Variants in AZI2 observed in about 807,000 individuals in gnomAD.
AZI2 encodes 5-azacytidine-induced protein 2.
Under a neutral mutation model 45.8 loss-of-function variants are expected in AZI2, and 22 were observed. That is an observed-to-expected ratio of 0.48 (90% CI 0.34 to 0.69). The LOEUF (loss-of-function observed/expected upper bound fraction) is 0.69, where lower values mean the gene tolerates loss of function less well. Among genes scored for constraint, AZI2 ranks in the 30% least tolerant of loss-of-function variants. The probability of loss-of-function intolerance (pLI) is 0.01; values close to 1 mark genes in which losing one functional copy is unlikely to be tolerated. For missense variants in AZI2, 417 were observed against 441.5 expected (o/e 0.94, Z 0.50); for synonymous variants, 137 against 156.7 (o/e 0.87, Z 0.94).
At chr3:28,336,032 C>T (rs772675986) in intron 5 of AZI2, among the ~76,000 whole-genome samples, 3 of 152,040 alleles carry the variant, frequency 2.0e-5, no homozygotes, top group Non-Finnish European at 2.9e-5. Flanking sequence ...ATCATTTCTT[C>T]TTTTAATCTC....
intron 1 of AZI2, 132 bp downstream of exon 1, chr3:28,348,469 T>G (rs1704361879): frequency 6.6e-6 from 1 of 152,392 alleles, no homozygotes; most frequent in Non-Finnish European, 1.5e-5. Flanking sequence ...GGCCGCTCCC[T>G]AGTCAAAGGA....
intron 1 of AZI2, among the ~76,000 whole-genome samples, chr3:28,342,768 A>C (rs1001742773): frequency 6.6e-6 from 1 of 151,636 alleles, no homozygotes; most frequent in Non-Finnish European, 1.5e-5. Flanking sequence ...AAGTAGAGCA[A>C]GTAAAATAGT....
At position 28,323,102 on chromosome 3, in the gene AZI2, CTT is replaced by C. The variant is rs968360314; in HGVS notation, c.*938_*939del. On this transcript the variant is annotated 3_prime_UTR_variant, in exon 8 of 8. Coordinates refer to ENST00000479665, the MANE Select transcript of AZI2 (RefSeq NM_022461.5). ...GATTAAAAATAATAATTTTAAATCA[CTT>C]TCTCAATAAATAGAATATTACATTT... The C allele has an allele frequency of 2.0e-5, 3 of 151,098 alleles. No homozygotes were observed. The highest frequency in any genetic ancestry group is 4.5e-5 in the Non-Finnish European group (3 of 67,382). The allele number at this position is 151,098 out of a possible 1,614,324, so 9.4% of individuals were successfully genotyped here.
At chr3:28,331,464 T>TG (rs1703567137) in intron 6 of AZI2, among the ~76,000 whole-genome samples, 1 of 151,560 alleles carries the variant, frequency 6.6e-6, no homozygotes, top group African/African-American at 2.4e-5. Context: ...CAACAGAGAC[T>TG]GTACTGCCAG....
chr3:28,331,212 T>C (rs1577125168), intron 6 of AZI2, among the ~76,000 whole-genome samples: 1 of 151,566 alleles, frequency 6.6e-6, no homozygotes. Flanking sequence ...CTTTTGATGA[T>C]ATTATTCATT....
intron 7 of AZI2, 66 bp from the exon 8 acceptor site, chr3:28,324,520 CTT>C: frequency 7.5e-7 from 1 of 1,331,636 alleles, no homozygotes; most frequent in South Asian, 2.2e-5. Context: ...TTCGATAACA[CTT>C]CACCAATTTG....
In AZI2 at chr3:28,321,224, A is replaced by C. The variant is rs183783138; in HGVS notation, c.*2818T>G. On this transcript the variant is annotated 3_prime_UTR_variant, in exon 8 of 8. Transcript: ENST00000479665. ...GGGGCAAACATGCCCATATTTCCAC[A>C]TTGACCTTTGGTATTGGTGCATTTC... The C allele has an allele frequency of 2.6e-4, 40 of 151,548 alleles. No individual in the cohort carries two copies. The highest frequency in any genetic ancestry group is 9.6e-4 in the African/African-American group (40 of 41,476). The allele number at this position is 151,548 out of a possible 1,614,324, so 9.4% of individuals were successfully genotyped here. A position where few individuals can be genotyped will look rare whatever the true frequency, so the allele number is the denominator to read the frequency against.
At chr3:28,330,893 T>C (rs1279529139) in intron 6 of AZI2, among the ~76,000 whole-genome samples, 1 of 151,388 alleles carries the variant, frequency 6.6e-6, no homozygotes, top group Non-Finnish European at 1.5e-5. Flanking sequence ...TTCTAAAAAC[T>C]GTCCTCTGAA....
At chr3:28,326,752 G>T in intron 7 of AZI2, 80 bp downstream of exon 7, 1 of 1,062,818 alleles carries the variant, frequency 9.4e-7, no homozygotes, top group Non-Finnish European at 1.5e-6. Flanking sequence ...CATTTGATGA[G>T]ATTTTGATAA....
intron 1 of AZI2, among the ~76,000 whole-genome samples, chr3:28,345,274 CA>C (rs1704178960): frequency 6.6e-6 from 1 of 152,098 alleles, no homozygotes; most frequent in African/African-American, 2.4e-5. Context: ...TACAGAATTC[CA>C]ATTCTTAGTA....
rs545149521 is a variant in AZI2, at chr3:28,341,081, C to A, written c.-5-459G>T. 1.6e-4 allele frequency among the ~76,000 whole-genome samples: 24 copies of A among 152,062 alleles called. No individual in the cohort carries two copies. In the South Asian group the frequency reaches 4.6e-3, roughly 29 times the overall value. On this transcript the variant is annotated intron_variant, in intron 1 of 7. Transcript: ENST00000479665. ...AAAGTTCTTTGAGTATAATTCATTA[C>A]AACAACATATTAATATTATATTATA...
chr3:28,341,975 C>CA (rs1704035139), intron 1 of AZI2, among the ~76,000 whole-genome samples: 1 of 152,040 alleles, frequency 6.6e-6, no homozygotes. Context: ...GGCAATTTAA[C>CA]TACAGCCACG....
At chr3:28,336,306 T>C (rs1382671142) in intron 5 of AZI2, among the ~76,000 whole-genome samples, 1 of 152,108 alleles carries the variant, frequency 6.6e-6, no homozygotes, top group Non-Finnish European at 1.5e-5. Flanking sequence ...TCTTTGTTGG[T>C]CGTGTTTTTC....
Position 28,331,599 on chromosome 3 carries a change from A to C in AZI2, c.647+770T>G, listed in dbSNP as rs139710662. Reference sequence around the variant, plus strand: ...TTTTTCCTAATTGATCATTTCTCTAAAGCAGGTTTTTGATAGAAATTGGCC... The same window carrying C: ...TTTTTCCTAATTGATCATTTCTCTACAGCAGGTTTTTGATAGAAATTGGCC... On this transcript the variant is annotated intron_variant, in intron 6 of 7. Transcript: ENST00000479665. 11 of 1,079,042 alleles carry C rather than the reference A, an allele frequency of 1.0e-5. No homozygotes were observed. The African/African-American group carries it at 1.8e-4, about 18-fold the overall frequency. The allele number at this position is 1,079,042 out of a possible 1,614,324, so 66.8% of individuals were successfully genotyped here.
chr3:28,346,944 C>T (rs1355038378), intron 1 of AZI2, among the ~76,000 whole-genome samples: 1 of 151,850 alleles, frequency 6.6e-6, no homozygotes, highest in Admixed American at 6.5e-5. Context: ...ATTTTTATGA[C>T]TCTTGAGTTA....
Position 28,345,313 on chromosome 3 carries a change from T to C in AZI2, c.-6+3288A>G, listed in dbSNP as rs568330463. On this transcript the variant is annotated intron_variant, in intron 1 of 7. Transcript: ENST00000479665. ...CTTGAACATTTGTGGGCACAGTTAG[T>C]TCTATGTTATGAATTAGTAAACACC... Among the ~76,000 whole-genome samples the C allele has an allele frequency of 3.9e-5, 6 of 152,290 alleles. No individual in the cohort carries two copies. The East Asian group carries it at 1.2e-3, about 29-fold the overall frequency.
In AZI2 at chr3:28,323,197, A is replaced by G. The variant is rs1410254957; in HGVS notation, c.*845T>C. ...GCAGCTAGCTGTAGTCTCTTTGAAG[A>G]AAATGACTTTTTATCATTACACACA... On this transcript the variant is annotated 3_prime_UTR_variant, in exon 8 of 8. Transcript: ENST00000479665. 8 of 151,176 alleles carry G rather than the reference A, an allele frequency of 5.3e-5. No homozygotes were observed. Among genetic ancestry groups the G allele is most frequent in the Admixed American group, 4.0e-4 (6 of 15,120 alleles). 9.4% of individuals were successfully genotyped at this position (151,176 alleles called of 1,614,324 possible).
Position 28,321,504 on chromosome 3 carries a change from G to A in AZI2, c.*2538C>T, listed in dbSNP as rs1442778636. Reference sequence around the variant, plus strand: ...ATTGTAGCCTTCAGAATACCCATGTGTATCCATACTGAAGATTTTTTTCAC... The same window carrying A: ...ATTGTAGCCTTCAGAATACCCATGTATATCCATACTGAAGATTTTTTTCAC... On this transcript the variant is annotated 3_prime_UTR_variant, in exon 8 of 8. Transcript: ENST00000479665. The A allele has an allele frequency of 2.0e-5, 3 of 151,332 alleles. No individual in the cohort carries two copies. Among genetic ancestry groups the A allele is most frequent in the Non-Finnish European group, 4.4e-5 (3 of 67,554 alleles). The allele number at this position is 151,332 out of a possible 1,614,324, so 9.4% of individuals were successfully genotyped here.
intron 5 of AZI2, among the ~76,000 whole-genome samples, chr3:28,334,387 T>C (rs1703709789): frequency 6.6e-6 from 1 of 151,962 alleles, no homozygotes; most frequent in Non-Finnish European, 1.5e-5. Context: ...AAACAAGATT[T>C]GAAAGTATGC....
Sources: gnomAD v4.1 joint callset for allele counts (sites outside exome capture counted in the v4.1 genomes callset) on GRCh38, gnomAD v4.1.1 for gene constraint, MANE v1.5 for transcripts, NCBI Gene and HGNC (gene_info 2026-07-23, HGNC 2026-07-21) for gene names.